The following MAGI2 variants were observed in gnomAD, a reference collection of about 807,000 sequenced individuals.
MAGI2 encodes membrane associated guanylate kinase, WW and PDZ domain containing 2.
A neutral mutation model predicts 133.3 loss-of-function variants in MAGI2; 35 were observed. That is an observed-to-expected ratio of 0.26 (90% CI 0.20 to 0.35). The LOEUF (loss-of-function observed/expected upper bound fraction) is 0.35. MAGI2 is among the 10% of genes least tolerant of loss of function. MAGI2 has a pLI of 1.00. For missense variants in MAGI2, 1,636 were observed against 1,863.4 expected (o/e 0.88, Z 2.25); for synonymous variants, 729 against 710.6 (o/e 1.03, Z -0.41).
intron 3 of MAGI2, among the ~76,000 whole-genome samples, chr7:78,530,589 TA>T (rs1797380178): frequency 2.0e-5 from 3 of 152,224 alleles, no homozygotes; most frequent in Admixed American, 2.0e-4. Flanking sequence ...AAACAGACAA[TA>T]CTCATAGTTA....
chr7:79,253,182 T>C (rs1327620360), intron 1 of MAGI2, among the ~76,000 whole-genome samples: 1 of 152,222 alleles, frequency 6.6e-6, no homozygotes, highest in South Asian at 2.1e-4. Flanking sequence ...TTTATTATTT[T>C]TTAAAATATC....
At chr7:79,397,759 G>C (rs980605072) in intron 1 of MAGI2, among the ~76,000 whole-genome samples, 1 of 151,938 alleles carries the variant, frequency 6.6e-6, no homozygotes, top group Non-Finnish European at 1.5e-5. Flanking sequence ...TGCTCATTCT[G>C]CCTCCCCCTC....
intron 1 of MAGI2, among the ~76,000 whole-genome samples, chr7:79,135,940 A>T (rs772580066): frequency 5.2e-4 from 5 of 9,610 alleles, no homozygotes; most frequent in Non-Finnish European, 4.3e-3. Flanking sequence ...AATCCTCTCG[A>T]AAGAAAGAAA....
chr7:78,562,503 A>G lies in MAGI2; in HGVS notation c.539-40858T>C, dbSNP rs186956838. Among the ~76,000 whole-genome samples the G allele has an allele frequency of 3.6e-3, 543 of 152,352 alleles. 2 individuals are homozygous for G. Among genetic ancestry groups the G allele is most frequent in the South Asian group, 0.011 (52 of 4,828 alleles). ...GATTGGAACATATTGCAATGGAGACATATAGAATGAATGCAAAAAGGCATC... is the reference window on the plus strand; with the variant it reads ...GATTGGAACATATTGCAATGGAGACGTATAGAATGAATGCAAAAAGGCATC... On this transcript the variant is annotated intron_variant, in intron 3 of 21. Coordinates refer to ENST00000354212, the MANE Select transcript of MAGI2 (RefSeq NM_012301.4).
intron 1 of MAGI2, among the ~76,000 whole-genome samples, chr7:79,229,278 GT>G (rs1831145776): frequency 6.6e-6 from 1 of 152,006 alleles, no homozygotes; most frequent in African/African-American, 2.4e-5. Flanking sequence ...GAACATTATT[GT>G]TTTTTTCTAC....
rs1054929119 is a variant in MAGI2, at chr7:79,080,170, G to A, written c.302-72964C>T. On this transcript the variant is annotated intron_variant, in intron 1 of 21. Coordinates refer to ENST00000354212, the MANE Select transcript of MAGI2 (RefSeq NM_012301.4). ...ATGAGGCATCTGTTTAGATGCATAC[G>A]CTGAATTAATGTTTTTATACATTCC... Among the ~76,000 whole-genome samples the A allele has an allele frequency of 3.9e-5, 6 of 152,112 alleles. No individual in the cohort carries two copies. In the East Asian group the frequency reaches 5.8e-4, roughly 15 times the overall value.
At chr7:78,885,072 C>G (rs891446017) in intron 2 of MAGI2, among the ~76,000 whole-genome samples, 1 of 152,096 alleles carries the variant, frequency 6.6e-6, no homozygotes, top group African/African-American at 2.4e-5. Context: ...AACCAAATAC[C>G]ATGTTCTCTC....
At chr7:78,531,241 G>C (rs2150624355) in intron 3 of MAGI2, among the ~76,000 whole-genome samples, 1 of 142,508 alleles carries the variant, frequency 7.0e-6, no homozygotes, top group South Asian at 2.2e-4. Flanking sequence ...TTGAGACAGA[G>C]TCTCACTCTG....
At chr7:78,926,350 T>A (rs1398195095) in intron 2 of MAGI2, among the ~76,000 whole-genome samples, 1 of 152,052 alleles carries the variant, frequency 6.6e-6, no homozygotes, top group Non-Finnish European at 1.5e-5. Context: ...TGGGTATGCA[T>A]CCTACAGATC....
intron 1 of MAGI2, among the ~76,000 whole-genome samples, chr7:79,393,520 A>G (rs890301965): frequency 3.9e-5 from 6 of 152,156 alleles, no homozygotes; most frequent in Non-Finnish European, 8.8e-5. Context: ...TTTATAAAAA[A>G]ATTAACATAT....
intron 1 of MAGI2, among the ~76,000 whole-genome samples, chr7:79,087,375 T>G (rs1437816858): frequency 1.3e-5 from 2 of 151,942 alleles, no homozygotes; most frequent in Admixed American, 1.3e-4. Flanking sequence ...GTTTTTAAGA[T>G]TTCTTAAAAT....
At chr7:78,034,521 GTTTATTTTATTTTAT>G (rs1029234140) in intron 21 of MAGI2, among the ~76,000 whole-genome samples, 1 of 152,000 alleles carries the variant, frequency 6.6e-6, no homozygotes, top group Admixed American at 6.6e-5. Context: ...AAATATCTCA[GTTTATTTTATTTTAT>G]TTTATTTTTT....
At chr7:78,087,546 C>T (rs576639360) in intron 20 of MAGI2, among the ~76,000 whole-genome samples, 7 of 151,990 alleles carry the variant, frequency 4.6e-5, no homozygotes, top group African/African-American at 9.6e-5. Context: ...GGGAGAGAAG[C>T]GGTTGAGCTT....
chr7:78,139,902 T>A (rs1049403128), intron 16 of MAGI2, among the ~76,000 whole-genome samples: 7 of 152,238 alleles, frequency 4.6e-5, no homozygotes, highest in African/African-American at 1.7e-4. Context: ...TATTTTCCCA[T>A]AGATGAATGA....
intron 20 of MAGI2, among the ~76,000 whole-genome samples, chr7:78,124,966 C>A (rs532729314): frequency 1.6e-4 from 24 of 151,878 alleles, no homozygotes; most frequent in Admixed American, 2.6e-4. Context: ...TGGGCTCAAG[C>A]GATTCTCCTG....
intron 1 of MAGI2, among the ~76,000 whole-genome samples, chr7:79,056,940 C>T (rs1246769268): frequency 6.6e-6 from 1 of 152,156 alleles, no homozygotes; most frequent in Admixed American, 6.5e-5. Context: ...TATTTTCCTT[C>T]TTAAGAAGTG....
At chr7:79,384,356 G>A in intron 1 of MAGI2, among the ~76,000 whole-genome samples, 1 of 144,574 alleles carries the variant, frequency 6.9e-6, no homozygotes, top group African/African-American at 2.6e-5. Context: ...AATGCTTCTT[G>A]AAAGCACCAG....
At chr7:79,395,583 A>G (rs2129156215) in intron 1 of MAGI2, among the ~76,000 whole-genome samples, 1 of 152,328 alleles carries the variant, frequency 6.6e-6, no homozygotes, top group African/African-American at 2.4e-5. Context: ...CTACATGTTT[A>G]GAATATCAGC....
At chr7:78,876,380 G>T (rs2151533435) in intron 2 of MAGI2, among the ~76,000 whole-genome samples, 1 of 148,216 alleles carries the variant, frequency 6.7e-6, no homozygotes. Context: ...ATATGTAATT[G>T]AAGTCTAAGA....
Sources: allele counts gnomAD v4.1 joint callset (sites outside exome capture counted in the v4.1 genomes callset), GRCh38; gene constraint gnomAD v4.1.1; transcripts MANE v1.5; gene names NCBI Gene and HGNC (gene_info 2026-07-23, HGNC 2026-07-21).